The following CNTN4 variants were observed in gnomAD, a reference collection of about 807,000 sequenced individuals.
The protein encoded by CNTN4 is contactin-4.
CNTN4 carries 77 observed loss-of-function variants against 122.5 expected under a neutral mutation model. That is an observed-to-expected ratio of 0.63 (90% confidence interval 0.52 to 0.76). The LOEUF (loss-of-function observed/expected upper bound fraction) is 0.76. Among genes scored for constraint, CNTN4 ranks in the 30% least tolerant of loss-of-function variants. CNTN4 has a pLI of 0.00. For synonymous variants in CNTN4, 512 were observed against 447.0 expected (o/e 1.15, Z -1.83); for missense variants, 1,256 against 1,259.1 (o/e 1.00, Z 0.04).
chr3:3,003,706 A>AAAAAAAAAC (rs1345796763), intron 14 of CNTN4, among the ~76,000 whole-genome samples: 1 of 143,254 alleles, frequency 7.0e-6, no homozygotes, highest in Non-Finnish European at 1.5e-5. Context: ...AAAAAAAAAA[A>AAAAAAAAAC]AAAAAAAACA....
At chr3:2,101,762 A>G (rs199945345) in intron 2 of CNTN4, among the ~76,000 whole-genome samples, 6 of 149,398 alleles carry the variant, frequency 4.0e-5, no homozygotes, top group Non-Finnish European at 8.9e-5. Flanking sequence ...AAAACACACA[A>G]AGAAACAAAA....
At chr3:2,997,949 CT>C (rs1485155628) in intron 14 of CNTN4, among the ~76,000 whole-genome samples, 1 of 152,196 alleles carries the variant, frequency 6.6e-6, no homozygotes, top group Non-Finnish European at 1.5e-5. Context: ...ATCTTATTAA[CT>C]TTTTCCCCTT....
intron 4 of CNTN4, among the ~76,000 whole-genome samples, chr3:2,651,238 T>A (rs1488534499): frequency 2.0e-5 from 3 of 152,166 alleles, no homozygotes; most frequent in Non-Finnish European, 4.4e-5. Context: ...TGAGCCTCTT[T>A]CCTTGCAGTG....
chr3:2,960,220 T>G (rs866404562), intron 13 of CNTN4, among the ~76,000 whole-genome samples: 2 of 152,272 alleles, frequency 1.3e-5, no homozygotes, highest in African/African-American at 4.8e-5. Flanking sequence ...TTTGTCAAGG[T>G]GTACAGTTGT....
chr3:2,340,033 ATTC>A lies in CNTN4; in HGVS notation c.-89+809_-89+811del, dbSNP rs367751943. Among the ~76,000 whole-genome samples, 194 of 152,280 alleles carry A rather than the reference ATTC, an allele frequency of 1.3e-3. 1 individual carries two copies. The highest frequency in any genetic ancestry group is 4.4e-3 in the African/African-American group (182 of 41,560). ...CTGTCTCCCCTATGTGTGTCCAAAT[ATTC>A]TTCTTCTTAGGAAGATAGCAGTCAT... is the stretch of plus-strand genomic sequence containing the variant. On this transcript the variant is annotated intron_variant, in intron 3 of 24. Transcript: ENST00000418658.
At chr3:2,617,510 TC>T (rs1410841841) in intron 4 of CNTN4, among the ~76,000 whole-genome samples, 2 of 134,882 alleles carry the variant, frequency 1.5e-5, no homozygotes, top group East Asian at 4.5e-4. Context: ...AACCTCCACC[TC>T]CCGGGTTCAA....
chr3:2,251,581 A>C (rs1360280737), intron 2 of CNTN4, among the ~76,000 whole-genome samples: 1 of 151,856 alleles, frequency 6.6e-6, no homozygotes, highest in African/African-American at 2.4e-5. Context: ...TTTTTTGTAG[A>C]GCCATTGCCG....
Position 2,295,717 on chromosome 3 carries a change from A to G in CNTN4, c.-144-43461A>G, listed in dbSNP as rs570487730. Among the ~76,000 whole-genome samples the G allele has an allele frequency of 2.6e-5, 4 of 152,096 alleles. No homozygotes were observed. In the East Asian group the frequency reaches 7.7e-4, roughly 29 times the overall value. Reference sequence around the variant, plus strand: ...TTTGTCAGTTTTGTCTTTTGTTGCCATTGCTTTTGGTGTTTTAGACATGAA... The same window carrying G: ...TTTGTCAGTTTTGTCTTTTGTTGCCGTTGCTTTTGGTGTTTTAGACATGAA... On this transcript the variant is annotated intron_variant, in intron 2 of 24. Coordinates refer to ENST00000418658, the MANE Select transcript of CNTN4 (RefSeq NM_175607.3).
chr3:2,136,064 C>G (rs1350063829), intron 2 of CNTN4, among the ~76,000 whole-genome samples: 1 of 152,168 alleles, frequency 6.6e-6, no homozygotes. Flanking sequence ...TGGGTATGGG[C>G]TCATGACCCC....
chr3:2,989,106 C>T (rs1437942349), intron 14 of CNTN4: 5 of 152,600 alleles, frequency 3.3e-5, no homozygotes, highest in Admixed American at 6.5e-5. Flanking sequence ...TCAATATTAG[C>T]TTCATGGCAT....
chr3:2,961,074 C>CA lies in CNTN4; in HGVS notation c.1359-27265dup, dbSNP rs1263926399. Reference sequence around the variant, plus strand: ...TGAAACCCCGTCTCTACTAAAAATACAAAAAATTAGCCGGGCGTGGTGATG... The same window carrying CA: ...TGAAACCCCGTCTCTACTAAAAATACAAAAAAATTAGCCGGGCGTGGTGATG... On this transcript the variant is annotated intron_variant, in intron 13 of 24. Coordinates refer to ENST00000418658, the MANE Select transcript of CNTN4 (RefSeq NM_175607.3). Among the ~76,000 whole-genome samples, 2 of 141,520 alleles carry CA rather than the reference C, an allele frequency of 1.4e-5. 1 individual carries two copies. The highest frequency in any genetic ancestry group is 4.7e-4 in the South Asian group (2 of 4,258). 92.8% of individuals were successfully genotyped at this position (141,520 alleles called of 152,430 possible).
intron 10 of CNTN4, among the ~76,000 whole-genome samples, chr3:2,887,875 T>C (rs546661002): frequency 6.6e-6 from 1 of 152,198 alleles, no homozygotes; most frequent in Non-Finnish European, 1.5e-5. Flanking sequence ...GATACTGATT[T>C]GAAATCTCGA....
intron 3 of CNTN4, among the ~76,000 whole-genome samples, chr3:2,346,765 C>G (rs1471645108): frequency 6.6e-6 from 1 of 152,046 alleles, no homozygotes; most frequent in African/African-American, 2.4e-5. Flanking sequence ...TAAGATATTT[C>G]TTACATTTGG....
intron 3 of CNTN4, among the ~76,000 whole-genome samples, chr3:2,522,806 G>A (rs2077268258): frequency 6.6e-6 from 1 of 151,860 alleles, no homozygotes; most frequent in South Asian, 2.1e-4. Flanking sequence ...TCCCTGTTCA[G>A]CCCACATGAG....
chr3:2,968,548 A>G (rs998610804), intron 13 of CNTN4, among the ~76,000 whole-genome samples: 5 of 152,180 alleles, frequency 3.3e-5, no homozygotes, highest in Non-Finnish European at 5.9e-5. Flanking sequence ...TGAATCCTGA[A>G]CTCTGAATAA....
chr3:2,272,309 C>G (rs1263525048), intron 2 of CNTN4, among the ~76,000 whole-genome samples: 1 of 152,102 alleles, frequency 6.6e-6, no homozygotes, highest in Non-Finnish European at 1.5e-5. Flanking sequence ...CAAAAATTTA[C>G]TCCACATATT....
intron 2 of CNTN4, among the ~76,000 whole-genome samples, chr3:2,313,815 C>G (rs912182854): frequency 5.3e-5 from 8 of 151,774 alleles, no homozygotes; most frequent in Non-Finnish European, 1.0e-4. Context: ...GGCATACCCA[C>G]CAAATACCCC....
intron 2 of CNTN4, among the ~76,000 whole-genome samples, chr3:2,330,040 T>C (rs748707186): frequency 2.0e-5 from 3 of 152,182 alleles, no homozygotes; most frequent in African/African-American, 4.8e-5. Context: ...CTACTTCAGA[T>C]GCCAGTCCTA....
At chr3:2,613,570 A>G (rs1366918635) in intron 4 of CNTN4, among the ~76,000 whole-genome samples, 2 of 152,216 alleles carry the variant, frequency 1.3e-5, no homozygotes, top group African/African-American at 4.8e-5. Flanking sequence ...GATGGTATAC[A>G]TAAGACCATG....
Sources: gnomAD v4.1 joint callset for allele counts (sites outside exome capture counted in the v4.1 genomes callset) on GRCh38, gnomAD v4.1.1 for gene constraint, MANE v1.5 for transcripts, NCBI Gene and HGNC (gene_info 2026-07-23, HGNC 2026-07-21) for gene names.